The following SLC7A5 variants were observed in gnomAD, a reference collection of about 807,000 sequenced individuals.
SLC7A5 encodes solute carrier family 7 member 5.
A neutral mutation model predicts 50.2 loss-of-function variants in SLC7A5; 23 were observed. The observed-to-expected ratio is 0.46, with a 90% CI of 0.33 to 0.65. The LOEUF is 0.65. Among genes scored for constraint, SLC7A5 ranks in the 30% least tolerant of loss-of-function variants. The pLI is 0.02. For missense variants in SLC7A5, 578 were observed against 684.4 expected, an observed-to-expected ratio of 0.84 and a Z score of 1.73; for synonymous variants, 393 against 330.6, an observed-to-expected ratio of 1.19 and a Z score of -2.05.
At chr16:87,857,262 G>A (rs1312201845) in intron 1 of SLC7A5, among the ~76,000 whole-genome samples, 10 of 151,232 alleles carry the variant, frequency 6.6e-5, no homozygotes, top group African/African-American at 1.9e-4. Context: ...CGCTCTTGTC[G>A]CCCAGGCTGG....
Position 87,853,875 on chromosome 16 carries a change from G to GC in SLC7A5, c.539-2027dup, listed in dbSNP as rs1329185611. 8.9e-4 allele frequency: 136 copies of GC among 152,316 alleles called. No homozygotes were observed. The highest frequency in any genetic ancestry group is 3.2e-3 in the African/African-American group (134 of 41,570). 9.4% of individuals were successfully genotyped at this position (152,316 alleles called of 1,614,324 possible). ...GAACTCCAGACACCAGACAGGCGCT[G>GC]CGGAGACACTGAGCACTGCCCTCGC... On this transcript the variant is annotated intron_variant, in intron 1 of 9. Transcript: ENST00000261622. The surrounding 1 kb of genome is among the most constrained non-coding windows in gnomAD (Gnocchi z 4.4).
intron 1 of SLC7A5, among the ~76,000 whole-genome samples, chr16:87,857,164 G>A (rs560563206): frequency 6.6e-6 from 1 of 152,304 alleles, no homozygotes; most frequent in South Asian, 2.1e-4. Flanking sequence ...GGTCAAAGTG[G>A]TCCGGAAACC....
At chr16:87,864,215 C>T (rs1209878282) in intron 1 of SLC7A5, among the ~76,000 whole-genome samples, 1 of 151,254 alleles carries the variant, frequency 6.6e-6, no homozygotes, top group African/African-American at 2.4e-5. Flanking sequence ...TCGCTTGAAC[C>T]CAGGAGGCAG....
intron 2 of SLC7A5, among the ~76,000 whole-genome samples, chr16:87,851,219 G>T (rs1413780413): frequency 6.6e-6 from 1 of 151,680 alleles, no homozygotes; most frequent in Non-Finnish European, 1.5e-5. Flanking sequence ...TCTTTAAAAA[G>T]CAGACAGAAA....
rs113509389 is a variant in SLC7A5 at position 87,868,610 on chromosome 16, C to T, written c.538+275G>A. On this transcript the variant is annotated intron_variant, in intron 1 of 9. Coordinates refer to ENST00000261622, the MANE Select transcript of SLC7A5 (RefSeq NM_003486.7). ...ACGGGAGGGTGGCACTTGCCTAAAC[C>T]GCTTAAGTGGGGGAATGGAATGCCC... 1.8e-3 allele frequency among the ~76,000 whole-genome samples: 278 copies of T among 152,334 alleles called. 1 individual carries two copies. Among genetic ancestry groups the T allele is most frequent in the African/African-American group, 6.4e-3 (268 of 41,576 alleles).
At position 87,862,182 on chromosome 16, in the gene SLC7A5, C is replaced by T. The variant is rs547180544; in HGVS notation, c.538+6703G>A. ...CCTGGAACAGGCCTGGACTGAGAAGCGGGGCTACAGGTTACAGGTGCTGGA... is the reference window on the plus strand; with the variant it reads ...CCTGGAACAGGCCTGGACTGAGAAGTGGGGCTACAGGTTACAGGTGCTGGA... On this transcript the variant is annotated intron_variant, in intron 1 of 9. Coordinates refer to ENST00000261622, the MANE Select transcript of SLC7A5 (RefSeq NM_003486.7). The surrounding 1 kb of genome is among the most constrained non-coding windows in gnomAD (Gnocchi z 5.3). Among the ~76,000 whole-genome samples, 4 of 151,970 alleles carry T rather than the reference C, an allele frequency of 2.6e-5. No homozygotes were observed. The highest frequency in any genetic ancestry group is 1.9e-4 in the East Asian group (1 of 5,188).
intron 5 of SLC7A5, 31 bp from the exon 6 acceptor site, chr16:87,838,848 C>T (rs1436454527): frequency 1.9e-6 from 3 of 1,565,252 alleles, no homozygotes; most frequent in East Asian, 2.2e-5. Flanking sequence ...AGCTGGGCCC[C>T]ACCGGGCCGG....
intron 1 of SLC7A5, among the ~76,000 whole-genome samples, chr16:87,857,931 G>A (rs1469938135): frequency 6.6e-6 from 1 of 152,184 alleles, no homozygotes; most frequent in Non-Finnish European, 1.5e-5. Context: ...TTTTAAACAG[G>A]CCAGGAAGAT....
intron 1 of SLC7A5, among the ~76,000 whole-genome samples, chr16:87,864,299 A>G (rs1416106844): frequency 6.6e-6 from 1 of 151,900 alleles, no homozygotes; most frequent in Non-Finnish European, 1.5e-5. Context: ...CCTCAAAATA[A>G]ATAAATAAAT....
In SLC7A5 at chr16:87,862,307, C is replaced by G. The variant is rs954131678; in HGVS notation, c.538+6578G>C. Among the ~76,000 whole-genome samples the G allele has an allele frequency of 4.6e-5, 7 of 152,288 alleles. No homozygotes were observed. The highest frequency in any genetic ancestry group is 1.7e-4 in the African/African-American group (7 of 41,554). ...GGGGCAAAACACACACAGGCCCCCTCTGCTCTCTGGTCACTGCTAACTGGC... is the reference window on the plus strand; with the variant it reads ...GGGGCAAAACACACACAGGCCCCCTGTGCTCTCTGGTCACTGCTAACTGGC... On this transcript the variant is annotated intron_variant, in intron 1 of 9. Coordinates refer to ENST00000261622, the MANE Select transcript of SLC7A5 (RefSeq NM_003486.7). The surrounding 1 kb of genome is among the most constrained non-coding windows in gnomAD (Gnocchi z 5.3).
At position 87,860,035 on chromosome 16, in the gene SLC7A5, G is replaced by C. The variant is rs1422454433; in HGVS notation, c.539-8186C>G. ...GCTAATAACTCTTTCAACCAATTGT[G>C]AATCAGAAAATCTTTTGCCAGGCAC... On this transcript the variant is annotated intron_variant, in intron 1 of 9. Coordinates refer to ENST00000261622, the MANE Select transcript of SLC7A5 (RefSeq NM_003486.7). This position sits in a 1 kb window ranked among gnomAD's most constrained non-coding sequence, Gnocchi z 4.8. 6.6e-6 allele frequency among the ~76,000 whole-genome samples: 1 copy of C among 151,116 alleles called. No individual in the cohort carries two copies. The highest frequency in any genetic ancestry group is 1.5e-5 in the Non-Finnish European group (1 of 67,824).
At chr16:87,855,256 G>A (rs1251357866) in intron 1 of SLC7A5, among the ~76,000 whole-genome samples, 1 of 152,148 alleles carries the variant, frequency 6.6e-6, no homozygotes, top group Non-Finnish European at 1.5e-5. Flanking sequence ...CCCAGCATGA[G>A]GTGGGGGACA....
Position 87,833,042 on chromosome 16 carries a change from C to A in SLC7A5, c.1469-17G>T. 6.2e-7 allele frequency: 1 copy of A among 1,613,096 alleles called. No homozygotes were observed. The highest frequency in any genetic ancestry group is 1.1e-5 in the South Asian group (1 of 91,072). The stretch of plus-strand genomic sequence containing the variant: ...TCGTGGAGACTGTCAGGAGAGAAGA[C>A]AGCTGTGTTAGCCTGGGGGCTGGGT... On this transcript the variant is annotated splice_polypyrimidine_tract_variant and intron_variant, in intron 9 of 9. Transcript: ENST00000261622. This position sits in a 1 kb window ranked among gnomAD's most constrained non-coding sequence, Gnocchi z 6.0.
chr16:87,848,916 G>C (rs1172403184), intron 2 of SLC7A5, among the ~76,000 whole-genome samples: 1 of 52,558 alleles, frequency 1.9e-5, no homozygotes, highest in Non-Finnish European at 3.4e-5. Flanking sequence ...GGAGGAAACA[G>C]GTCAGCCAAG....
At chr16:87,840,958 C>G (rs1241240708) in intron 3 of SLC7A5, 92 bp downstream of exon 3, 2 of 870,100 alleles carry the variant, frequency 2.3e-6, no homozygotes, top group African/African-American at 3.4e-5. Context: ...CTCCCTTTAA[C>G]TGCCCCTTGA....
chr16:87,858,937 G>C (rs2055354464), intron 1 of SLC7A5, among the ~76,000 whole-genome samples: 1 of 152,220 alleles, frequency 6.6e-6, no homozygotes, highest in Non-Finnish European at 1.5e-5. Context: ...AGAATCCCTG[G>C]TGACGGGGAG....
intron 8 of SLC7A5, among the ~76,000 whole-genome samples, chr16:87,835,756 G>A (rs1418742293): frequency 6.6e-6 from 1 of 152,164 alleles, no homozygotes; most frequent in Non-Finnish European, 1.5e-5. Context: ...TTACAGGCGT[G>A]AGCCACCGCG....
Position 87,839,704 on chromosome 16 carries a change from C to A in SLC7A5, c.937G>T (p.Val313Leu). 1 of 1,613,276 alleles carries A rather than the reference C, an allele frequency of 6.2e-7. No individual in the cohort carries two copies. The highest frequency in any genetic ancestry group is 8.5e-7 in the Non-Finnish European group (1 of 1,179,912). ...EQMLSSEAVA[V>L]DFGNYHLGVM... is the part of the protein sequence containing the mutation. The stretch of plus-strand genomic sequence containing the variant: ...GAAGCTGGCGGGTAGCGGCTCACCA[C>A]GGCCACGGCCTCGGACGACAGCATC... The change falls in exon 5 of 10, where the codon GTG (valine) becomes TTG (leucine). Residue 313 changes from valine to leucine, a missense_variant and splice_region_variant. Physicochemically the swap from Val to Leu is conservative, Grantham distance 32. This residue lies in a region of SLC7A5 where 465 missense variants were observed against 594.6 expected (regional missense o/e 0.78). Transcript: ENST00000261622.
At position 87,853,010 on chromosome 16, in the gene SLC7A5, C is replaced by A. The variant is rs1009704362; in HGVS notation, c.539-1161G>T. On this transcript the variant is annotated intron_variant, in intron 1 of 9. Coordinates refer to ENST00000261622, the MANE Select transcript of SLC7A5 (RefSeq NM_003486.7). This position sits in a 1 kb window ranked among gnomAD's most constrained non-coding sequence, Gnocchi z 4.4. Reference sequence around the variant, plus strand: ...CCCAGAAGTGGGCAAAGGCCCAGCACGGGCCACCCACACAGCTCAGATCTC... The same window carrying A: ...CCCAGAAGTGGGCAAAGGCCCAGCAAGGGCCACCCACACAGCTCAGATCTC... Among the ~76,000 whole-genome samples, 1 of 152,234 alleles carries A rather than the reference C, an allele frequency of 6.6e-6. No individual in the cohort carries two copies. Among genetic ancestry groups the A allele is most frequent in the Non-Finnish European group, 1.5e-5 (1 of 68,036 alleles).
Sources: gnomAD v4.1 joint callset for allele counts (sites outside exome capture counted in the v4.1 genomes callset) on GRCh38, gnomAD v4.1.1 for gene constraint, gnomAD v4.1.1 regional missense constraint, Gnocchi (gnomAD v3.1) non-coding constraint, MANE v1.5 for transcripts, NCBI Gene and HGNC (gene_info 2026-07-23, HGNC 2026-07-21) for gene names.